Variants in MEGF10 observed in about 807,000 individuals in gnomAD.
The protein encoded by MEGF10 is multiple EGF like domains 10.
Under a neutral mutation model 147.5 loss-of-function variants are expected in MEGF10, and 86 were observed. That is an observed-to-expected ratio of 0.58 (90% CI 0.49 to 0.70). The LOEUF is 0.70. Among genes scored for constraint, MEGF10 ranks in the 30% least tolerant of loss-of-function variants. The probability of loss-of-function intolerance (pLI) is 0.00; values close to 1 mark genes in which losing one functional copy is unlikely to be tolerated. For missense variants in MEGF10, 1,329 were observed against 1,487.3 expected (o/e 0.89, Z 1.75); for synonymous variants, 478 against 525.5 (o/e 0.91, Z 1.24).
upstream of MEGF10, among the ~76,000 whole-genome samples, chr5:127,286,089 G>A: frequency 6.6e-6 from 1 of 152,026 alleles, no homozygotes; most frequent in Non-Finnish European, 1.5e-5. Context: ...ACTCATATGT[G>A]GGAGCTAAGA....
At chr5:127,345,494 A>C (rs2126809944) in intron 4 of MEGF10, among the ~76,000 whole-genome samples, 1 of 152,258 alleles carries the variant, frequency 6.6e-6, no homozygotes, top group East Asian at 1.9e-4. Flanking sequence ...CTTTTCTTAG[A>C]ATGTGATTAG....
chr5:127,431,423 G>A (rs1433165225), intron 13 of MEGF10, among the ~76,000 whole-genome samples: 1 of 152,080 alleles, frequency 6.6e-6, no homozygotes, highest in East Asian at 1.9e-4. Context: ...TAGTGATTTG[G>A]CAAGTAGTTG....
chr5:127,431,984 A>T (rs1275309241), intron 13 of MEGF10, among the ~76,000 whole-genome samples: 1 of 152,324 alleles, frequency 6.6e-6, no homozygotes, highest in East Asian at 1.9e-4. Context: ...TATGATTGCA[A>T]GAAAAAAATC....
At chr5:127,270,968 A>C in the MEGF10 span, among the ~76,000 whole-genome samples, 14 of 152,264 alleles carry the variant, frequency 9.2e-5, no homozygotes, top group Non-Finnish European at 1.9e-4. Flanking sequence ...TATCCCGTCT[A>C]TCATTGATGG....
At chr5:127,335,693 T>C (rs1289915341) in intron 2 of MEGF10, among the ~76,000 whole-genome samples, 1 of 152,116 alleles carries the variant, frequency 6.6e-6, no homozygotes, top group Non-Finnish European at 1.5e-5. Flanking sequence ...TAAAAAAGAA[T>C]GTTTTAGAAA....
intron 5 of MEGF10, among the ~76,000 whole-genome samples, chr5:127,374,022 G>A (rs957914582): frequency 6.6e-6 from 1 of 152,196 alleles, no homozygotes; most frequent in African/African-American, 2.4e-5. Context: ...CTACAAAAAA[G>A]GGGAAGTCAT....
At chr5:127,436,395 A>G (rs538337969) in intron 16 of MEGF10, among the ~76,000 whole-genome samples, 1 of 152,276 alleles carries the variant, frequency 6.6e-6, no homozygotes, top group Non-Finnish European at 1.5e-5. Flanking sequence ...TTTTAGGAAT[A>G]AGGGAAGAGA....
rs896660928 is a variant in MEGF10 at position 127,459,982 on chromosome 5, A to G, written c.*2664A>G. 2 of 152,240 alleles carry G rather than the reference A, an allele frequency of 1.3e-5. No individual in the cohort carries two copies. Among genetic ancestry groups the G allele is most frequent in the African/African-American group, 4.8e-5 (2 of 41,476 alleles). 9.4% of individuals were successfully genotyped at this position (152,240 alleles called of 1,614,324 possible). A position where few individuals can be genotyped will look rare whatever the true frequency, so the allele number is the denominator to read the frequency against. ...TTGGCAAAATTTTCCCTCTGAAATTACAAACTTTAGGAACTTTTCCAGATG... is the reference window on the plus strand; with the variant it reads ...TTGGCAAAATTTTCCCTCTGAAATTGCAAACTTTAGGAACTTTTCCAGATG... On this transcript the variant is annotated 3_prime_UTR_variant, in exon 25 of 25. Coordinates refer to ENST00000503335, the MANE Select transcript of MEGF10 (RefSeq NM_001256545.2).
chr5:127,440,656 A>G lies in MEGF10; in HGVS notation c.2234-83A>G, dbSNP rs1301290238. ...ATGGCTCAGTGTCATTCAAGTTTAA[A>G]CACAAATATGTTGGAGGCACGAGCC... On this transcript the variant is annotated intron_variant, in intron 17 of 24. Coordinates refer to ENST00000503335, the MANE Select transcript of MEGF10 (RefSeq NM_001256545.2). 4 of 1,455,424 alleles carry G rather than the reference A, an allele frequency of 2.7e-6. No homozygotes were observed. In the East Asian group the frequency reaches 6.9e-5, roughly 25 times the overall value. 90.2% of individuals were successfully genotyped at this position (1,455,424 alleles called of 1,614,324 possible). A position where few individuals can be genotyped will look rare whatever the true frequency, so the allele number is the denominator to read the frequency against.
At chr5:127,262,178 A>G in the MEGF10 span, among the ~76,000 whole-genome samples, 379 of 152,222 alleles carry the variant, frequency 2.5e-3, 3 homozygotes, top group Middle Eastern at 0.02. Flanking sequence ...CTAAAAATCT[A>G]TTGCCAAATC....
intron 4 of MEGF10, among the ~76,000 whole-genome samples, chr5:127,351,473 A>C (rs1762087908): frequency 6.6e-6 from 1 of 152,166 alleles, no homozygotes; most frequent in African/African-American, 2.4e-5. Flanking sequence ...TACTAACGTT[A>C]GGCACACGTA....
At chr5:127,341,101 A>G (rs183742187) in intron 4 of MEGF10, among the ~76,000 whole-genome samples, 2 of 152,140 alleles carry the variant, frequency 1.3e-5, no homozygotes, top group Non-Finnish European at 2.9e-5. Context: ...ATAAGTCTGC[A>G]TCACAAAATA....
rs192789420 is a variant in MEGF10, at chr5:127,336,054, T to G, written c.117-3066T>G. 4.2e-3 allele frequency among the ~76,000 whole-genome samples: 494 copies of G among 116,832 alleles called. 2 individuals carry two copies. In the Middle Eastern group the frequency reaches 0.08, roughly 19 times the overall value. The allele number at this position is 116,832 out of a possible 152,430, so 76.6% of individuals were successfully genotyped here. On this transcript the variant is annotated intron_variant, in intron 2 of 24. Coordinates refer to ENST00000503335, the MANE Select transcript of MEGF10 (RefSeq NM_001256545.2). ...TGATAATTAGGCAGGTAATTATCATTGGTCAGAAACTGAAGCGTCCACTTA... is the reference window on the plus strand; with the variant it reads ...TGATAATTAGGCAGGTAATTATCATGGGTCAGAAACTGAAGCGTCCACTTA...
At chr5:127,436,197 T>C (rs75059846) in intron 16 of MEGF10, among the ~76,000 whole-genome samples, 1 of 152,244 alleles carries the variant, frequency 6.6e-6, no homozygotes, top group Non-Finnish European at 1.5e-5. Context: ...TCCCCCATCA[T>C]GCACATAAGA....
intron 1 of MEGF10, among the ~76,000 whole-genome samples, chr5:127,325,931 GA>G (rs1761013124): frequency 7.2e-6 from 1 of 139,848 alleles, no homozygotes; most frequent in Admixed American, 7.5e-5. Flanking sequence ...TTAAGACAGG[GA>G]CTTGCTCTGC....
intron 4 of MEGF10, among the ~76,000 whole-genome samples, chr5:127,358,368 G>T (rs983287680): frequency 1.3e-5 from 2 of 152,170 alleles, no homozygotes; most frequent in Admixed American, 6.5e-5. Flanking sequence ...TTTCTCTAGG[G>T]CTGGCCTTTA....
intron 9 of MEGF10, among the ~76,000 whole-genome samples, chr5:127,413,297 A>G (rs1171849232): frequency 6.6e-6 from 1 of 152,214 alleles, no homozygotes; most frequent in South Asian, 2.1e-4. Flanking sequence ...CAAGAAAATA[A>G]AATTTGAGAT....
At chr5:127,409,922 A>G (rs542902888) in intron 8 of MEGF10, 3 of 169,328 alleles carry the variant, frequency 1.8e-5, no homozygotes, top group East Asian at 1.5e-4. Flanking sequence ...ATTAAAAATT[A>G]ATGTCCACAT....
rs770598846 is a variant in MEGF10, at chr5:127,445,441, T to C, written c.2492-16T>C. On this transcript the variant is annotated splice_polypyrimidine_tract_variant and intron_variant, in intron 19 of 24. Coordinates refer to ENST00000503335, the MANE Select transcript of MEGF10 (RefSeq NM_001256545.2). ...GCACATTGTCATCCTTTCTCAAGTC[T>C]CTCTTCTTTTTCTAGCTGGTGTTAT... 6.9e-6 allele frequency: 11 copies of C among 1,592,778 alleles called. No homozygotes were observed. The Admixed American group carries it at 1.0e-4, about 15-fold the overall frequency.
Sources: gnomAD v4.1 joint callset for allele counts (sites outside exome capture counted in the v4.1 genomes callset) on GRCh38, gnomAD v4.1.1 for gene constraint, MANE v1.5 for transcripts, NCBI Gene and HGNC (gene_info 2026-07-23, HGNC 2026-07-21) for gene names.